INPP4B: variants seen among roughly 807,000 people sequenced by gnomAD.
The protein encoded by INPP4B is inositol polyphosphate 4-phosphatase type II.
A neutral mutation model predicts 122.5 loss-of-function variants in INPP4B; 55 were observed. The ratio of observed to expected loss-of-function variants is 0.45; its 90% confidence interval spans 0.36 to 0.56. INPP4B has a LOEUF of 0.56. INPP4B is among the 20% of genes least tolerant of loss of function. The probability of loss-of-function intolerance (pLI) is 0.00; values close to 1 mark genes in which losing one functional copy is unlikely to be tolerated. For synonymous variants in INPP4B, 403 were observed against 388.7 expected, an observed-to-expected ratio of 1.04 and a Z score of -0.43; for missense variants, 1,000 against 1,097.7, an observed-to-expected ratio of 0.91 and a Z score of 1.26.
In INPP4B at chr4:142,028,176, C is replaced by T. The variant is rs1452759712; in HGVS notation, c.*606G>A. 4.4e-6 allele frequency: 1 copy of T among 229,146 alleles called. No homozygotes were observed. The highest frequency in any genetic ancestry group is 5.7e-5 in the Admixed American group (1 of 17,626). 14.2% of individuals were successfully genotyped at this position (229,146 alleles called of 1,614,324 possible). ...GGTCTGTTGACCACTTTACTCACTC[C>T]ATGCATATGCCTGTTGCAAGGGAGG... On this transcript the variant is annotated 3_prime_UTR_variant, in exon 26 of 26. Coordinates refer to ENST00000262992, the MANE Select transcript of INPP4B (RefSeq NM_001101669.3).
rs116254887 is a variant in INPP4B, at chr4:142,270,690, G to A, written c.588C>T (p.His196=). 377 of 1,611,708 alleles carry A rather than the reference G, an allele frequency of 2.3e-4. 2 individuals are homozygous for A. The African/African-American group carries it at 4.5e-3, about 19-fold the overall frequency. ...MGEIEDGEAD[H]ITTDVQGQKC... ...TTTGTCCCTGTACATCTGTGGTGAT[G>A]TGGTCGGCTTCCCCATCCTCAATCT... The change falls in exon 10 of 26, where the codon CAC becomes CAT. Residue 196 remains histidine, a synonymous_variant. Coordinates refer to ENST00000262992, the MANE Select transcript of INPP4B (RefSeq NM_001101669.3).
chr4:142,576,284 C>A (rs546754713), intron 2 of INPP4B, among the ~76,000 whole-genome samples: 1 of 151,962 alleles, frequency 6.6e-6, no homozygotes, highest in East Asian at 1.9e-4. Flanking sequence ...GTGTTTATTC[C>A]TTGGAAATGG....
chr4:142,568,039 G>A (rs1732010564), intron 2 of INPP4B, among the ~76,000 whole-genome samples: 2 of 152,144 alleles, frequency 1.3e-5, no homozygotes, highest in African/African-American at 4.8e-5. Flanking sequence ...CAGTTCCAGA[G>A]CTAAACTGGG....
chr4:142,773,533 T>C (rs1045790928), intron 1 of INPP4B, among the ~76,000 whole-genome samples: 2 of 152,194 alleles, frequency 1.3e-5, no homozygotes, highest in Non-Finnish European at 2.9e-5. Context: ...TATTTCTTGA[T>C]GTGAGATTTA....
At chr4:142,254,126 G>C in intron 11 of INPP4B, among the ~76,000 whole-genome samples, 1 of 152,086 alleles carries the variant, frequency 6.6e-6, no homozygotes. Flanking sequence ...TACTCCAACA[G>C]ACCTGCAGCT....
chr4:142,727,400 T>A (rs1028845676), intron 1 of INPP4B, among the ~76,000 whole-genome samples: 3 of 152,146 alleles, frequency 2.0e-5, no homozygotes, highest in Admixed American at 1.3e-4. Context: ...TGTGGCAGAC[T>A]GAAGAAACCA....
At chr4:142,311,052 A>T (rs1765331417) in intron 8 of INPP4B, among the ~76,000 whole-genome samples, 2 of 151,970 alleles carry the variant, frequency 1.3e-5, no homozygotes, top group African/African-American at 4.8e-5. Flanking sequence ...AAACTCCTTT[A>T]AAAAAAATTA....
At chr4:142,510,792 T>C (rs74608001) in intron 2 of INPP4B, among the ~76,000 whole-genome samples, 25,279 of 152,204 alleles carry the variant, frequency 0.17, 2,502 homozygotes, top group Non-Finnish European at 0.23. Context: ...AACTTTAAAA[T>C]GCATTAGTGT....
chr4:142,658,399 A>T (rs557014930), intron 2 of INPP4B, among the ~76,000 whole-genome samples: 1 of 152,318 alleles, frequency 6.6e-6, no homozygotes, highest in South Asian at 2.1e-4. Flanking sequence ...CAGAAAACTA[A>T]AGCAACCTTT....
At chr4:142,084,209 C>T (rs1350388316) in intron 24 of INPP4B, among the ~76,000 whole-genome samples, 1 of 152,076 alleles carries the variant, frequency 6.6e-6, no homozygotes, top group Non-Finnish European at 1.5e-5. Flanking sequence ...CTGCAACCAC[C>T]AACTCCCTGG....
chr4:142,119,708 A>T (rs1189429626), intron 21 of INPP4B, among the ~76,000 whole-genome samples: 1 of 151,778 alleles, frequency 6.6e-6, no homozygotes, highest in Non-Finnish European at 1.5e-5. Flanking sequence ...TGACGAGTTT[A>T]TGGGTGCGGC....
At chr4:142,695,558 A>T (rs1015801989) in intron 2 of INPP4B, among the ~76,000 whole-genome samples, 3 of 152,220 alleles carry the variant, frequency 2.0e-5, no homozygotes, top group African/African-American at 7.2e-5. Flanking sequence ...GAAAATTATC[A>T]GTTTATTTTT....
At chr4:142,554,188 C>CAA (rs758209943) in intron 2 of INPP4B, among the ~76,000 whole-genome samples, 5,403 of 96,984 alleles carry the variant, frequency 0.056, 161 homozygotes, top group African/African-American at 0.064. Context: ...AACTCCATCT[C>CAA]AAAAAAAAAA....
intron 1 of INPP4B, among the ~76,000 whole-genome samples, chr4:142,755,983 A>G (rs17016749): frequency 6.6e-6 from 1 of 151,760 alleles, no homozygotes; most frequent in Non-Finnish European, 1.5e-5. Context: ...GGTATCAAAT[A>G]CTCCAATGGC....
intron 2 of INPP4B, among the ~76,000 whole-genome samples, chr4:142,713,546 C>T (rs1209981812): frequency 6.6e-6 from 1 of 152,148 alleles, no homozygotes; most frequent in Non-Finnish European, 1.5e-5. Flanking sequence ...AATACTTACT[C>T]AAAGAGAAAA....
At chr4:142,614,289 C>T (rs1743224986) in intron 2 of INPP4B, among the ~76,000 whole-genome samples, 1 of 151,988 alleles carries the variant, frequency 6.6e-6, no homozygotes, top group South Asian at 2.1e-4. Flanking sequence ...AAAATATACT[C>T]TAGGGAAAGA....
chr4:142,751,283 C>CAAA (rs70949187), intron 1 of INPP4B, among the ~76,000 whole-genome samples: 7 of 105,046 alleles, frequency 6.7e-5, no homozygotes, highest in Admixed American at 1.0e-4. Flanking sequence ...TTAACTGTGT[C>CAAA]AAAAAAAAAA....
At chr4:142,649,079 G>C (rs551589511) in intron 2 of INPP4B, among the ~76,000 whole-genome samples, 1 of 152,256 alleles carries the variant, frequency 6.6e-6, no homozygotes, top group South Asian at 2.1e-4. Context: ...AGGCAAACAG[G>C]GTCTGGAGTG....
chr4:142,198,711 C>G (rs555201674), intron 14 of INPP4B, among the ~76,000 whole-genome samples: 1 of 152,022 alleles, frequency 6.6e-6, no homozygotes, highest in African/African-American at 2.4e-5. Context: ...AGTTTGTGAA[C>G]TATGAATTTA....
Sources: gnomAD v4.1 joint callset for allele counts (sites outside exome capture counted in the v4.1 genomes callset) on GRCh38, gnomAD v4.1.1 for gene constraint, MANE v1.5 for transcripts, NCBI Gene and HGNC (gene_info 2026-07-23, HGNC 2026-07-21) for gene names.